Variants in TASP1 observed in about 807,000 individuals in gnomAD.
The protein encoded by TASP1 is threonine aspartase 1.
Under a neutral mutation model 56.6 loss-of-function variants are expected in TASP1, and 16 were observed. The ratio of observed to expected loss-of-function variants is 0.28; its 90% CI spans 0.19 to 0.43. The LOEUF (loss-of-function observed/expected upper bound fraction) is 0.43, where lower values mean the gene tolerates loss of function less well. Among genes scored for constraint, TASP1 ranks in the 20% least tolerant of loss-of-function variants. TASP1 has a pLI of 1.00. For synonymous variants in TASP1, 179 were observed against 184.2 expected, an observed-to-expected ratio of 0.97 and a Z score of 0.23; for missense variants, 393 against 511.6, an observed-to-expected ratio of 0.77 and a Z score of 2.24.
At chr20:13,119,426 T>C in the TASP1 span, among the ~76,000 whole-genome samples, 2 of 152,210 alleles carry the variant, frequency 1.3e-5, no homozygotes, top group Admixed American at 1.3e-4. Flanking sequence ...AGCTAGAGTA[T>C]TTTTAAGATG....
At chr20:13,583,636 C>G (rs2047201605) in intron 5 of TASP1, among the ~76,000 whole-genome samples, 1 of 152,120 alleles carries the variant, frequency 6.6e-6, no homozygotes, top group Non-Finnish European at 1.5e-5. Context: ...AAGCATAGAC[C>G]TCATGAGCGT....
At chr20:13,401,444 G>A (rs2041735067) in intron 13 of TASP1, among the ~76,000 whole-genome samples, 1 of 152,130 alleles carries the variant, frequency 6.6e-6, no homozygotes, top group South Asian at 2.1e-4. Context: ...TATGTGTTGG[G>A]CCCTGTGTTG....
chr20:13,255,156 A>G, the TASP1 span, among the ~76,000 whole-genome samples: 1,545 of 152,366 alleles, frequency 0.01, 28 homozygotes, highest in African/African-American at 0.035. Context: ...CACTGGTTAT[A>G]TAAGATGATC....
At chr20:13,546,526 C>T (rs2045815210) in intron 8 of TASP1, among the ~76,000 whole-genome samples, 2 of 152,206 alleles carry the variant, frequency 1.3e-5, no homozygotes, top group Admixed American at 6.5e-5. Context: ...TTCTGTAAGT[C>T]CCCTAGCCCC....
the TASP1 span, among the ~76,000 whole-genome samples, chr20:13,374,451 C>A: frequency 6.6e-6 from 1 of 151,928 alleles, no homozygotes; most frequent in African/African-American, 2.4e-5. Context: ...GGGGTTCACA[C>A]CATTCTCCTG....
chr20:13,615,800 G>T (rs1160409876), intron 4 of TASP1, among the ~76,000 whole-genome samples: 1 of 152,072 alleles, frequency 6.6e-6, no homozygotes, highest in Non-Finnish European at 1.5e-5. Flanking sequence ...ACTGTGCCAG[G>T]CCGAGAATCT....
chr20:13,402,428 A>G (rs2041771825), intron 13 of TASP1, among the ~76,000 whole-genome samples: 1 of 152,224 alleles, frequency 6.6e-6, no homozygotes, highest in African/African-American at 2.4e-5. Flanking sequence ...AAGAAACACA[A>G]GTTTCTACAT....
Position 13,521,144 on chromosome 20 carries a change from G to A in TASP1, c.874+7289C>T, listed in dbSNP as rs1339280657. 3.3e-5 allele frequency among the ~76,000 whole-genome samples: 5 copies of A among 152,134 alleles called. No individual in the cohort carries two copies. The East Asian group carries it at 9.6e-4, about 29-fold the overall frequency. On this transcript the variant is annotated intron_variant, in intron 10 of 13. Coordinates refer to ENST00000337743, the MANE Select transcript of TASP1 (RefSeq NM_017714.3). ...AAACAACAGATGCTGGAGAGGATGT[G>A]GAGAAATAGGAACACTTTTACACTG...
At chr20:13,319,357 T>C in the TASP1 span, among the ~76,000 whole-genome samples, 3 of 152,306 alleles carry the variant, frequency 2.0e-5, no homozygotes, top group African/African-American at 7.2e-5. Context: ...TTTCTACTGC[T>C]AATCAGAAAC....
the TASP1 span, among the ~76,000 whole-genome samples, chr20:13,242,502 C>G: frequency 2.4e-4 from 36 of 152,200 alleles, no homozygotes; most frequent in Non-Finnish European, 4.6e-4. Context: ...GGAGGAAAAG[C>G]CCGAGAAGGT....
the TASP1 span, among the ~76,000 whole-genome samples, chr20:13,269,924 T>C: frequency 1.2e-4 from 12 of 101,438 alleles, no homozygotes; most frequent in African/African-American, 4.7e-4. Context: ...TGGATGGGTG[T>C]GTGGGTGGAA....
chr20:13,506,570 A>G lies in TASP1; in HGVS notation c.874+21863T>C, dbSNP rs1426245905. On this transcript the variant is annotated intron_variant, in intron 10 of 13. Transcript: ENST00000337743. ...TGACCAAGTGAGATTTGTCTCCAGAATGTAAGGATGGCTCCCATATGCAAA... is the reference window on the plus strand; with the variant it reads ...TGACCAAGTGAGATTTGTCTCCAGAGTGTAAGGATGGCTCCCATATGCAAA... 9.2e-5 allele frequency among the ~76,000 whole-genome samples: 14 copies of G among 152,312 alleles called. No individual in the cohort carries two copies. In the East Asian group the frequency reaches 2.5e-3, roughly 27 times the overall value.
the TASP1 span, chr20:13,154,288 A>C: frequency 2.1e-6 from 2 of 931,740 alleles, no homozygotes; most frequent in Non-Finnish European, 3.2e-6. Context: ...CTGTCACTCT[A>C]TCAGCTAGAC....
At chr20:13,248,798 G>A in the TASP1 span, among the ~76,000 whole-genome samples, 1,399 of 152,320 alleles carry the variant, frequency 9.2e-3, 17 homozygotes, top group African/African-American at 0.031. Flanking sequence ...CCATTTGGGG[G>A]TGAGCGGGGG....
chr20:13,250,974 T>A, the TASP1 span, among the ~76,000 whole-genome samples: 16,365 of 152,282 alleles, frequency 0.11, 1,041 homozygotes, highest in African/African-American at 0.16. Context: ...TCATCTCTTC[T>A]TAGGCCACTT....
At chr20:13,126,534 C>T in the TASP1 span, 3 of 1,596,544 alleles carry the variant, frequency 1.9e-6, no homozygotes, top group East Asian at 6.7e-5. Flanking sequence ...ATGTAATTCC[C>T]ACCACCAGTG....
chr20:13,598,796 G>A (rs2047842054), intron 4 of TASP1, among the ~76,000 whole-genome samples: 1 of 152,056 alleles, frequency 6.6e-6, no homozygotes, highest in African/African-American at 2.4e-5. Context: ...CTGACAAAGG[G>A]CTAATATCCA....
chr20:13,489,217 G>A lies in TASP1; in HGVS notation c.875-5880C>T, dbSNP rs149234366. 1.1e-4 allele frequency among the ~76,000 whole-genome samples: 17 copies of A among 152,190 alleles called. No homozygotes were observed. The East Asian group carries it at 2.9e-3, about 26-fold the overall frequency. On this transcript the variant is annotated intron_variant, in intron 10 of 13. Coordinates refer to ENST00000337743, the MANE Select transcript of TASP1 (RefSeq NM_017714.3). ...TCACATACTTCCCCTCCACAAGAAC[G>A]AGGCCACCCTGCTGTTCCAGAAGGC...
chr20:13,629,364 C>CA (rs1218111399), intron 2 of TASP1, among the ~76,000 whole-genome samples: 4,766 of 51,714 alleles, frequency 0.092, 330 homozygotes, highest in African/African-American at 0.25. Context: ...AACTCCATCT[C>CA]AAAAAAAAAA....
Sources: allele counts gnomAD v4.1 joint callset (sites outside exome capture counted in the v4.1 genomes callset), GRCh38; gene constraint gnomAD v4.1.1; transcripts MANE v1.5; gene names NCBI Gene and HGNC (gene_info 2026-07-23, HGNC 2026-07-21).